The following CA8 variants were observed in gnomAD, a reference collection of about 807,000 sequenced individuals.
CA8 encodes carbonic anhydrase 8 (inactive), also known as carbonic anhydrase-related protein.
In CA8, 22 loss-of-function variants were observed where a neutral mutation model predicts 41.4. The ratio of observed to expected loss-of-function variants is 0.53; its 90% CI spans 0.38 to 0.76. The LOEUF (loss-of-function observed/expected upper bound fraction) is 0.76, where lower values mean the gene tolerates loss of function less well. Among genes scored for constraint, CA8 ranks in the 30% least tolerant of loss-of-function variants. The probability of loss-of-function intolerance (pLI) is 0.00; values close to 1 mark genes in which losing one functional copy is unlikely to be tolerated. For missense variants in CA8, 270 were observed against 352.8 expected, an observed-to-expected ratio of 0.77 and a Z score of 1.88; for synonymous variants, 121 against 130.6, an observed-to-expected ratio of 0.93 and a Z score of 0.50.
At chr8:60,229,112 C>A (rs1390264354) in intron 4 of CA8, among the ~76,000 whole-genome samples, 1 of 152,142 alleles carries the variant, frequency 6.6e-6, no homozygotes, top group African/African-American at 2.4e-5. Context: ...GAAATGCAAA[C>A]CACTTTGGTC....
At chr8:60,236,326 T>G (rs1807829022) in intron 3 of CA8, among the ~76,000 whole-genome samples, 1 of 152,208 alleles carries the variant, frequency 6.6e-6, no homozygotes, top group Non-Finnish European at 1.5e-5. Context: ...AATTTCCAGC[T>G]TTTGGCCTAC....
intron 2 of CA8, among the ~76,000 whole-genome samples, chr8:60,274,551 T>C (rs573997590): frequency 2.0e-5 from 3 of 152,170 alleles, no homozygotes; most frequent in Non-Finnish European, 4.4e-5. Context: ...TGCAACAGTA[T>C]AAGATGTCCA....
chr8:60,270,617 T>C lies in CA8; in HGVS notation c.293-4568A>G, dbSNP rs374470487. On this transcript the variant is annotated intron_variant, in intron 2 of 8. Transcript: ENST00000317995. ...TTTTACTAGAGACGGGGTTTCACCA[T>C]GTTGGCCAGACTGGTCTTCAACTCC... Among the ~76,000 whole-genome samples, 204 of 152,292 alleles carry C rather than the reference T, an allele frequency of 1.3e-3. 2 individuals are homozygous for C. In the Middle Eastern group the frequency reaches 0.014, roughly 10 times the overall value.
At chr8:60,280,815 G>A (rs895841063) in intron 1 of CA8, among the ~76,000 whole-genome samples, 3 of 152,062 alleles carry the variant, frequency 2.0e-5, no homozygotes, top group African/African-American at 7.2e-5. Flanking sequence ...CCTGCGGAAG[G>A]CTCCCGGGTG....
At chr8:60,206,661 G>C (rs1212774079) in intron 8 of CA8, among the ~76,000 whole-genome samples, 2 of 151,920 alleles carry the variant, frequency 1.3e-5, no homozygotes, top group Non-Finnish European at 2.9e-5. Flanking sequence ...CCCACTCCTA[G>C]CTCCTGCCCC....
chr8:60,242,246 C>T (rs1808053680), intron 3 of CA8, among the ~76,000 whole-genome samples: 1 of 152,124 alleles, frequency 6.6e-6, no homozygotes, highest in African/African-American at 2.4e-5. Flanking sequence ...CATTTTCTGC[C>T]AAGAACTGTT....
At chr8:60,195,394 C>G (rs1806253015) in intron 8 of CA8, among the ~76,000 whole-genome samples, 1 of 152,192 alleles carries the variant, frequency 6.6e-6, no homozygotes, top group African/African-American at 2.4e-5. Flanking sequence ...ATCACATGTT[C>G]ACACACATCT....
chr8:60,209,886 A>G (rs1227385860), intron 7 of CA8, among the ~76,000 whole-genome samples: 1 of 152,160 alleles, frequency 6.6e-6, no homozygotes, highest in African/African-American at 2.4e-5. Context: ...CAGCCACCCT[A>G]CAGTTTCTCT....
At chr8:60,280,641 A>T (rs919691289) in intron 1 of CA8, among the ~76,000 whole-genome samples, 5 of 152,258 alleles carry the variant, frequency 3.3e-5, no homozygotes, top group Non-Finnish European at 5.9e-5. Context: ...CTTTCTCCCC[A>T]AAGTCTCCAA....
At chr8:60,259,051 C>T (rs924060951) in intron 3 of CA8, among the ~76,000 whole-genome samples, 1 of 152,172 alleles carries the variant, frequency 6.6e-6, no homozygotes, top group African/African-American at 2.4e-5. Context: ...GTCTATTGTA[C>T]TCATAGCTGT....
chr8:60,197,399 A>G (rs932716142), intron 8 of CA8, among the ~76,000 whole-genome samples: 13 of 152,186 alleles, frequency 8.5e-5, no homozygotes, highest in African/African-American at 2.4e-5. Context: ...CATAATGATA[A>G]AGGTAACATT....
chr8:60,195,664 T>A (rs1280891509), intron 8 of CA8, among the ~76,000 whole-genome samples: 1 of 152,182 alleles, frequency 6.6e-6, no homozygotes, highest in Non-Finnish European at 1.5e-5. Flanking sequence ...GTTAGCTGTG[T>A]GTCTGATTTA....
chr8:60,245,163 A>C (rs913676952), intron 3 of CA8, among the ~76,000 whole-genome samples: 16 of 152,348 alleles, frequency 1.1e-4, no homozygotes, highest in Admixed American at 4.6e-4. Flanking sequence ...AAGAACACAA[A>C]ACTTTTCAAC....
chr8:60,209,017 A>C, intron 7 of CA8, 98 bp from the exon 8 acceptor site: 1 of 1,279,062 alleles, frequency 7.8e-7, no homozygotes, highest in Non-Finnish European at 1.1e-6. Context: ...TATAAATTAC[A>C]AGAATTATTG....
At position 60,257,134 on chromosome 8, in the gene CA8, T is replaced by C. The variant is rs550832127; in HGVS notation, c.417+8791A>G. Among the ~76,000 whole-genome samples the C allele has an allele frequency of 4.9e-3, 743 of 152,262 alleles. 7 individuals carry two copies. The highest frequency in any genetic ancestry group is 0.016 in the African/African-American group (663 of 41,550). On this transcript the variant is annotated intron_variant, in intron 3 of 8. Transcript: ENST00000317995. ...CTGGGACTACAGGGGCCTGCCACCA[T>C]GCCCAGCTGATTTTTGTATCTTCAG... is the stretch of plus-strand genomic sequence containing the variant.
At chr8:60,264,966 T>C (rs1803853422) in intron 3 of CA8, 1 of 152,130 alleles carries the variant, frequency 6.6e-6, no homozygotes, top group Non-Finnish European at 1.5e-5. Flanking sequence ...TTATATTTAA[T>C]ATTAAGCACA....
intron 7 of CA8, among the ~76,000 whole-genome samples, chr8:60,215,065 C>T (rs11990909): frequency 0.37 from 55,815 of 151,932 alleles, 10,698 homozygotes; most frequent in Admixed American, 0.44. Context: ...TGTGTACATA[C>T]GTATTTGCAC....
intron 3 of CA8, among the ~76,000 whole-genome samples, chr8:60,257,003 CAG>C (rs1266033695): frequency 6.6e-6 from 1 of 151,758 alleles, no homozygotes; most frequent in Non-Finnish European, 1.5e-5. Flanking sequence ...TTTTGAGACA[CAG>C]AGTCTTGCTC....
intron 3 of CA8, among the ~76,000 whole-genome samples, chr8:60,239,100 G>T (rs1807930794): frequency 6.6e-6 from 1 of 152,186 alleles, no homozygotes; most frequent in Admixed American, 6.5e-5. Flanking sequence ...ATTCAGGGGT[G>T]TTTTGAGGGT....
Sources: gnomAD v4.1 joint callset for allele counts (sites outside exome capture counted in the v4.1 genomes callset) on GRCh38, gnomAD v4.1.1 for gene constraint, MANE v1.5 for transcripts, NCBI Gene and HGNC (gene_info 2026-07-23, HGNC 2026-07-21) for gene names.